CNTN4: variants seen among roughly 807,000 people sequenced by gnomAD.
CNTN4 encodes contactin-4.
Under a neutral mutation model 122.5 loss-of-function variants are expected in CNTN4, and 77 were observed. That is an observed-to-expected ratio of 0.63 (90% confidence interval 0.52 to 0.76). The LOEUF (loss-of-function observed/expected upper bound fraction) is 0.76, where lower values mean the gene tolerates loss of function less well. Among genes scored for constraint, CNTN4 ranks in the 30% least tolerant of loss-of-function variants. The pLI, the probability that CNTN4 is intolerant of heterozygous loss-of-function variation, is 0.00. For missense variants in CNTN4, 1,256 were observed against 1,259.1 expected (o/e 1.00, Z 0.04); for synonymous variants, 512 against 447.0 (o/e 1.15, Z -1.83).
intron 2 of CNTN4, among the ~76,000 whole-genome samples, chr3:2,274,076 T>C (rs1016918056): frequency 6.6e-6 from 1 of 152,072 alleles, no homozygotes; most frequent in Admixed American, 6.6e-5. Context: ...CATACCCACA[T>C]CTTCATCTAA....
At chr3:3,009,171 A>G (rs1265843774) in intron 14 of CNTN4, among the ~76,000 whole-genome samples, 2 of 152,194 alleles carry the variant, frequency 1.3e-5, no homozygotes, top group Admixed American at 6.5e-5. Flanking sequence ...ATTGATTGCC[A>G]TAAACAGTGG....
At chr3:2,699,759 C>A (rs2086258443) in intron 4 of CNTN4, among the ~76,000 whole-genome samples, 1 of 152,146 alleles carries the variant, frequency 6.6e-6, no homozygotes, top group African/African-American at 2.4e-5. Flanking sequence ...AAACCTTGGA[C>A]ACTGAATCAT....
At chr3:2,954,785 C>T (rs1447553856) in intron 13 of CNTN4, among the ~76,000 whole-genome samples, 1 of 152,018 alleles carries the variant, frequency 6.6e-6, no homozygotes, top group Non-Finnish European at 1.5e-5. Flanking sequence ...GTGTTTTCAT[C>T]CTGTCTGCCT....
intron 4 of CNTN4, among the ~76,000 whole-genome samples, chr3:2,677,154 TA>T (rs2084896703): frequency 6.6e-6 from 1 of 150,650 alleles, no homozygotes; most frequent in African/African-American, 2.4e-5. Context: ...GATAGATAGA[TA>T]GATAGATAGA....
chr3:2,535,540 A>G (rs2077769797), intron 3 of CNTN4, among the ~76,000 whole-genome samples: 1 of 152,048 alleles, frequency 6.6e-6, no homozygotes. Flanking sequence ...CTCTTTAGAG[A>G]CTTGCTTGCT....
At chr3:2,764,473 T>A (rs551433904) in intron 6 of CNTN4, among the ~76,000 whole-genome samples, 1 of 152,292 alleles carries the variant, frequency 6.6e-6, no homozygotes, top group African/African-American at 2.4e-5. Flanking sequence ...CCTGCCTGTG[T>A]GGCTGGAGGG....
intron 2 of CNTN4, among the ~76,000 whole-genome samples, chr3:2,207,172 G>T (rs75578738): frequency 1.3e-5 from 2 of 151,912 alleles, no homozygotes; most frequent in South Asian, 4.1e-4. Flanking sequence ...GCTACCAGCC[G>T]TTCCTAGTCT....
At chr3:2,626,269 G>A (rs537096782) in intron 4 of CNTN4, among the ~76,000 whole-genome samples, 5 of 152,020 alleles carry the variant, frequency 3.3e-5, no homozygotes, top group East Asian at 3.9e-4. Context: ...CGAGGTGGGC[G>A]GATCATGAGG....
At chr3:2,324,399 A>T (rs749980980) in intron 2 of CNTN4, among the ~76,000 whole-genome samples, 2 of 152,188 alleles carry the variant, frequency 1.3e-5, no homozygotes, top group Non-Finnish European at 2.9e-5. Flanking sequence ...TATGAAGTTT[A>T]TGAGTTATAA....
intron 3 of CNTN4, among the ~76,000 whole-genome samples, chr3:2,444,389 A>T (rs768308604): frequency 2.2e-4 from 33 of 152,130 alleles, no homozygotes; most frequent in Non-Finnish European, 4.1e-4. Context: ...AGAGCCAGGA[A>T]CTAAATACAA....
At chr3:2,765,782 A>G (rs2090831406) in intron 6 of CNTN4, among the ~76,000 whole-genome samples, 1 of 152,200 alleles carries the variant, frequency 6.6e-6, no homozygotes, top group Admixed American at 6.5e-5. Flanking sequence ...CTTATTCAAG[A>G]AATCTTCATA....
In CNTN4 at chr3:2,744,075, G is replaced by A. The variant is rs139605945; in HGVS notation, c.183-1447G>A. Among the ~76,000 whole-genome samples the A allele has an allele frequency of 1.9e-3, 295 of 152,152 alleles. 2 individuals are homozygous for A. In the East Asian group the frequency reaches 0.045, roughly 23 times the overall value. ...AGAGACCTGCCTGCTTCAGCCTCCC[G>A]AAGTGCCGAGATTACAGGCGTGAGC... On this transcript the variant is annotated intron_variant, in intron 5 of 24. Coordinates refer to ENST00000418658, the MANE Select transcript of CNTN4 (RefSeq NM_175607.3).
chr3:2,406,322 G>C (rs1575565847), intron 3 of CNTN4, among the ~76,000 whole-genome samples: 1 of 152,256 alleles, frequency 6.6e-6, no homozygotes, highest in African/African-American at 2.4e-5. Context: ...TCAGTTCTGT[G>C]GTTTCTTGTG....
chr3:2,952,664 T>A (rs909230824), intron 13 of CNTN4, among the ~76,000 whole-genome samples: 3 of 152,236 alleles, frequency 2.0e-5, no homozygotes, highest in African/African-American at 4.8e-5. Flanking sequence ...TATGGCGCAA[T>A]CATATGGCAT....
intron 14 of CNTN4, among the ~76,000 whole-genome samples, chr3:3,019,584 G>A (rs1404094254): frequency 1.3e-5 from 2 of 151,610 alleles, no homozygotes; most frequent in African/African-American, 2.4e-5. Context: ...CATGAGCCAT[G>A]GTAGCCAGCC....
intron 13 of CNTN4, among the ~76,000 whole-genome samples, chr3:2,927,935 T>C (rs1318297687): frequency 1.3e-5 from 2 of 152,328 alleles, no homozygotes; most frequent in Non-Finnish European, 2.9e-5. Flanking sequence ...GTTCTGATCC[T>C]CGTTCCCACC....
chr3:2,407,964 A>G (rs571582286), intron 3 of CNTN4, among the ~76,000 whole-genome samples: 1 of 152,306 alleles, frequency 6.6e-6, no homozygotes, highest in Non-Finnish European at 1.5e-5. Flanking sequence ...TACTTGTGAC[A>G]TATTTATTTA....
intron 24 of CNTN4, among the ~76,000 whole-genome samples, chr3:3,054,235 G>A (rs570683202): frequency 5.9e-5 from 9 of 152,258 alleles, no homozygotes; most frequent in East Asian, 3.9e-4. Flanking sequence ...AGGTTTTTCC[G>A]TGTCAACCTG....
chr3:2,676,242 C>A (rs1412094755), intron 4 of CNTN4, among the ~76,000 whole-genome samples: 3 of 151,304 alleles, frequency 2.0e-5, no homozygotes, highest in Admixed American at 1.3e-4. Context: ...TGGTGGGGGG[C>A]ACAGAGTCTT....
Sources: allele counts gnomAD v4.1 joint callset (sites outside exome capture counted in the v4.1 genomes callset), GRCh38; gene constraint gnomAD v4.1.1; transcripts MANE v1.5; gene names NCBI Gene and HGNC (gene_info 2026-07-23, HGNC 2026-07-21).